The following KCNQ3 variants were observed in gnomAD, a reference collection of about 807,000 sequenced individuals.
KCNQ3 encodes the protein potassium voltage-gated channel subfamily KQT member 3.
In KCNQ3, 30 loss-of-function variants were observed where a neutral mutation model predicts 92.5. The observed-to-expected ratio is 0.32, with a 90% CI of 0.24 to 0.44. The LOEUF (loss-of-function observed/expected upper bound fraction) is 0.44, where lower values mean the gene tolerates loss of function less well. KCNQ3 is among the 20% of genes least tolerant of loss of function. KCNQ3 has a pLI of 1.00. For missense variants in KCNQ3, 913 were observed against 1,140.3 expected (o/e 0.80, Z 2.87); for synonymous variants, 450 against 468.8 (o/e 0.96, Z 0.52).
At chr8:132,472,882 T>C (rs969389004) in intron 1 of KCNQ3, among the ~76,000 whole-genome samples, 5 of 152,190 alleles carry the variant, frequency 3.3e-5, no homozygotes, top group African/African-American at 4.8e-5. Context: ...CTCATAAATA[T>C]GTACATACAT....
At chr8:132,379,335 A>C (rs1819685954) in intron 1 of KCNQ3, among the ~76,000 whole-genome samples, 1 of 152,150 alleles carries the variant, frequency 6.6e-6, no homozygotes, top group South Asian at 2.1e-4. Context: ...AAGAAATCAA[A>C]GATTTGGAAA....
At chr8:132,461,997 T>C (rs1052425625) in intron 1 of KCNQ3, among the ~76,000 whole-genome samples, 1 of 152,132 alleles carries the variant, frequency 6.6e-6, no homozygotes, top group African/African-American at 2.4e-5. Flanking sequence ...ACCATGTCTT[T>C]TACCCATTAA....
intron 1 of KCNQ3, among the ~76,000 whole-genome samples, chr8:132,272,977 C>T (rs1486600146): frequency 1.3e-5 from 2 of 152,182 alleles, no homozygotes; most frequent in Admixed American, 1.3e-4. Context: ...CAAGGCAAGT[C>T]CCTTCCACCT....
intron 12 of KCNQ3, among the ~76,000 whole-genome samples, chr8:132,136,146 A>AAG (rs1563765951): frequency 4.4e-5 from 6 of 137,004 alleles, no homozygotes; most frequent in Non-Finnish European, 6.6e-5. Context: ...AAAAAAAAAA[A>AAG]GAAAAGAGAA....
intron 13 of KCNQ3, among the ~76,000 whole-genome samples, chr8:132,133,223 C>A (rs148487543): frequency 6.6e-6 from 1 of 152,324 alleles, no homozygotes; most frequent in Non-Finnish European, 1.5e-5. Context: ...GACTTCATTC[C>A]TACCTCTTTT....
intron 9 of KCNQ3, among the ~76,000 whole-genome samples, chr8:132,161,988 TA>T (rs749722672): frequency 2.6e-5 from 4 of 152,210 alleles, no homozygotes; most frequent in Non-Finnish European, 4.4e-5. Context: ...CTGAGTGACT[TA>T]CATAATGACT....
chr8:132,129,330 T>C lies in KCNQ3; in HGVS notation c.2551A>G (p.Met851Val). Residue 851 changes from methionine (M) to valine (V), a missense_variant, in exon 15 of 15, where the codon ATG becomes GTG. By Grantham distance (21) the Met-to-Val change is conservative. Around this residue, in one of 6 missense-constraint regions of KCNQ3, gnomAD observed 375 missense variants for 376.4 expected, o/e 1.00. Coordinates refer to ENST00000388996, the MANE Select transcript of KCNQ3 (RefSeq NM_004519.4). The surrounding 1 kb of genome is among the most constrained non-coding windows in gnomAD (Gnocchi z 5.9). ...DTDPFTPSGS[M>V]PLSSTGDGIS... ...CCATCCCCTGTGGACGACAGAGGCA[T>C]GGAGCCGCTGGGCGTGAAGGGGTCC... 1 of 1,614,112 alleles carries C rather than the reference T, an allele frequency of 6.2e-7. No individual in the cohort carries two copies. The highest frequency in any genetic ancestry group is 8.5e-7 in the Non-Finnish European group (1 of 1,179,980).
At chr8:132,344,625 A>C (rs1390588959) in intron 1 of KCNQ3, among the ~76,000 whole-genome samples, 5 of 152,220 alleles carry the variant, frequency 3.3e-5, no homozygotes, top group Non-Finnish European at 7.3e-5. Flanking sequence ...GTGGAATCAG[A>C]ATTTGTATCT....
intron 1 of KCNQ3, among the ~76,000 whole-genome samples, chr8:132,339,879 C>T (rs935972694): frequency 2.0e-5 from 3 of 151,262 alleles, no homozygotes; most frequent in Admixed American, 2.0e-4. Flanking sequence ...ATTTATAAAC[C>T]CAAACCTATG....
rs1395078238 is a variant in KCNQ3 at position 132,163,460 on chromosome 8, A to C, written c.1262+8T>G. 1.2e-6 allele frequency: 2 copies of C among 1,611,094 alleles called. No individual in the cohort carries two copies. The highest frequency in any genetic ancestry group is 1.7e-6 in the Non-Finnish European group (2 of 1,177,348). ...TGTGAAGAAGGGAATTCATAATCAG[A>C]AACTTACCTGGATGCTGCCTCCAGC... is the stretch of plus-strand genomic sequence containing the variant. On this transcript the variant is annotated splice_region_variant and intron_variant, in intron 9 of 14. Coordinates refer to ENST00000388996, the MANE Select transcript of KCNQ3 (RefSeq NM_004519.4).
At chr8:132,258,885 AAAAAAT>A (rs1815682579) in intron 1 of KCNQ3, among the ~76,000 whole-genome samples, 1 of 152,098 alleles carries the variant, frequency 6.6e-6, no homozygotes, top group Non-Finnish European at 1.5e-5. Context: ...ATTGTATGTC[AAAAAAT>A]TAGATAACCT....
intron 9 of KCNQ3, among the ~76,000 whole-genome samples, chr8:132,147,777 T>C (rs1306914779): frequency 6.6e-6 from 1 of 152,212 alleles, no homozygotes; most frequent in Non-Finnish European, 1.5e-5. Flanking sequence ...CATTTTGATA[T>C]GAGTGCTCAG....
chr8:132,348,157 T>C (rs1818753104), intron 1 of KCNQ3, among the ~76,000 whole-genome samples: 2 of 152,054 alleles, frequency 1.3e-5, no homozygotes, highest in African/African-American at 4.8e-5. Flanking sequence ...TCCTACAAGT[T>C]AACTCTAAGT....
chr8:132,389,554 G>T (rs1452155765), intron 1 of KCNQ3, among the ~76,000 whole-genome samples: 1 of 152,154 alleles, frequency 6.6e-6, no homozygotes, highest in Non-Finnish European at 1.5e-5. Flanking sequence ...AACTAACAAA[G>T]GGCTTGTATC....
chr8:132,247,701 G>A (rs1343555388), intron 1 of KCNQ3, among the ~76,000 whole-genome samples: 4 of 151,964 alleles, frequency 2.6e-5, no homozygotes, highest in Admixed American at 2.0e-4. Flanking sequence ...GGGAGGCTGA[G>A]GCAGGAGAAT....
chr8:132,293,349 C>T (rs980424155), intron 1 of KCNQ3, among the ~76,000 whole-genome samples: 2 of 152,082 alleles, frequency 1.3e-5, no homozygotes, highest in African/African-American at 4.8e-5. Context: ...ACTGAGCCCC[C>T]AACCTATGGG....
intron 8 of KCNQ3, among the ~76,000 whole-genome samples, chr8:132,163,905 T>G (rs1447740977): frequency 6.6e-6 from 1 of 152,174 alleles, no homozygotes; most frequent in Non-Finnish European, 1.5e-5. Flanking sequence ...TAGCGAACAT[T>G]GTCTTAACTC....
intron 1 of KCNQ3, among the ~76,000 whole-genome samples, chr8:132,198,411 GA>G (rs1827367131): frequency 6.6e-6 from 1 of 152,218 alleles, no homozygotes; most frequent in Non-Finnish European, 1.5e-5. Context: ...TGCAGGAATA[GA>G]TAACTAATAC....
At chr8:132,358,817 T>C (rs117281570) in intron 1 of KCNQ3, among the ~76,000 whole-genome samples, 2,654 of 152,272 alleles carry the variant, frequency 0.017, 29 homozygotes, top group Non-Finnish European at 0.027. Context: ...AAGGACTCAA[T>C]ACTTTCAATG....
Sources: gnomAD v4.1 joint callset for allele counts (sites outside exome capture counted in the v4.1 genomes callset) on GRCh38, gnomAD v4.1.1 for gene constraint, gnomAD v4.1.1 regional missense constraint, Gnocchi (gnomAD v3.1) non-coding constraint, MANE v1.5 for transcripts, NCBI Gene and HGNC (gene_info 2026-07-23, HGNC 2026-07-21) for gene names.